TCF4: variants seen among roughly 807,000 people sequenced by gnomAD.
The protein encoded by TCF4 is transcription factor 4, also known as SL3-3 enhancer factor 2.
A neutral mutation model predicts 82.1 loss-of-function variants in TCF4; 3 were observed. The ratio of observed to expected loss-of-function variants is 0.04; its 90% CI spans 0.02 to 0.09. The LOEUF (loss-of-function observed/expected upper bound fraction) is 0.09. Ranked by LOEUF, TCF4 falls within the 10% of genes least tolerant of loss-of-function variation. The pLI, the probability that TCF4 is intolerant of heterozygous loss-of-function variation, is 1.00. For missense variants in TCF4, 518 were observed against 852.7 expected, an observed-to-expected ratio of 0.61 and a Z score of 4.89; for synonymous variants, 276 against 309.6, an observed-to-expected ratio of 0.89 and a Z score of 1.14.
chr18:55,293,224 T>C (rs1286112274), intron 8 of TCF4, among the ~76,000 whole-genome samples: 1 of 152,190 alleles, frequency 6.6e-6, no homozygotes, highest in Non-Finnish European at 1.5e-5. Flanking sequence ...GGCCCATCTG[T>C]AGGCAGATGG....
At chr18:55,348,618 G>T (rs2081684321) in intron 8 of TCF4, among the ~76,000 whole-genome samples, 1 of 152,164 alleles carries the variant, frequency 6.6e-6, no homozygotes. Context: ...AAAGGGGCCA[G>T]TTAGCTATAG....
intron 15 of TCF4, among the ~76,000 whole-genome samples, chr18:55,238,792 C>A (rs1481149471): frequency 2.0e-5 from 3 of 152,182 alleles, no homozygotes; most frequent in Non-Finnish European, 4.4e-5. Flanking sequence ...TTGGTGCATT[C>A]TTTCTGGTTC....
intron 15 of TCF4, among the ~76,000 whole-genome samples, chr18:55,247,897 G>C (rs1247275987): frequency 6.6e-6 from 1 of 152,192 alleles, no homozygotes; most frequent in Non-Finnish European, 1.5e-5. Context: ...ATTTGGGCTG[G>C]ACCTAGGAAG....
At chr18:55,547,684 G>A (rs1399589393) in intron 3 of TCF4, among the ~76,000 whole-genome samples, 1 of 152,176 alleles carries the variant, frequency 6.6e-6, no homozygotes, top group Non-Finnish European at 1.5e-5. Flanking sequence ...TTGATGAATT[G>A]TTTGAAACGT....
At chr18:55,229,284 A>G (rs1268568993) in intron 17 of TCF4, 5 of 609,908 alleles carry the variant, frequency 8.2e-6, no homozygotes, top group Admixed American at 2.4e-5. Flanking sequence ...TCTCGCAGAC[A>G]TTAAACCCAA....
chr18:55,506,651 C>T (rs1032494793), intron 3 of TCF4, among the ~76,000 whole-genome samples: 2 of 152,098 alleles, frequency 1.3e-5, no homozygotes, highest in Non-Finnish European at 2.9e-5. Flanking sequence ...AGTACTCACT[C>T]TAAGAGAGGG....
intron 3 of TCF4, among the ~76,000 whole-genome samples, chr18:55,505,522 G>A (rs556637742): frequency 6.4e-4 from 98 of 152,076 alleles, no homozygotes; most frequent in South Asian, 1.2e-3. Context: ...AATAGCAACC[G>A]GGCCGGGCGC....
At chr18:55,323,080 T>G (rs938863730) in intron 8 of TCF4, among the ~76,000 whole-genome samples, 2 of 152,172 alleles carry the variant, frequency 1.3e-5, no homozygotes, top group Non-Finnish European at 2.9e-5. Flanking sequence ...ATATATTTAT[T>G]TATTGTCTTT....
chr18:55,251,984 G>A (rs983026399), intron 15 of TCF4, among the ~76,000 whole-genome samples: 4 of 133,742 alleles, frequency 3.0e-5, no homozygotes, highest in African/African-American at 1.1e-4. Context: ...ATTGTGGAAT[G>A]TATCAAATGG....
chr18:55,327,852 T>C (rs538439862), intron 8 of TCF4, among the ~76,000 whole-genome samples: 5 of 152,248 alleles, frequency 3.3e-5, no homozygotes, highest in Non-Finnish European at 7.4e-5. Context: ...GCATGCAAAA[T>C]AGATGCAAAA....
chr18:55,627,741 G>A (rs935983992), intron 2 of TCF4, among the ~76,000 whole-genome samples: 22 of 148,448 alleles, frequency 1.5e-4, no homozygotes, highest in African/African-American at 5.5e-4. Flanking sequence ...TTCCAGCCTG[G>A]GTGACAGAGT....
chr18:55,572,530 C>G (rs1446464339), intron 3 of TCF4, among the ~76,000 whole-genome samples: 1 of 152,018 alleles, frequency 6.6e-6, no homozygotes, highest in Admixed American at 6.6e-5. Context: ...CAGGAGTTAC[C>G]AGGTAATTTC....
At chr18:55,234,310 A>C (rs2048740156) in intron 16 of TCF4, 1 of 617,776 alleles carries the variant, frequency 1.6e-6, no homozygotes, top group Non-Finnish European at 2.8e-6. Flanking sequence ...CTGTGGCCTC[A>C]TTCCCTGCTG....
intron 8 of TCF4, among the ~76,000 whole-genome samples, chr18:55,311,104 G>T: frequency 6.6e-6 from 1 of 151,452 alleles, no homozygotes; most frequent in Non-Finnish European, 1.5e-5. Flanking sequence ...GCTATAGTGT[G>T]CTATGCCAAA....
intron 3 of TCF4, among the ~76,000 whole-genome samples, chr18:55,583,458 C>G (rs2097598224): frequency 6.6e-6 from 1 of 152,078 alleles, no homozygotes; most frequent in African/African-American, 2.4e-5. Context: ...AGCCTGTACT[C>G]TCTATAAACA....
intron 1 of TCF4, among the ~76,000 whole-genome samples, chr18:55,631,545 G>A (rs957887590): frequency 6.6e-6 from 1 of 152,132 alleles, no homozygotes; most frequent in Non-Finnish European, 1.5e-5. Context: ...CTTGACAAAT[G>A]ACTAAGCTGG....
chr18:55,463,971 TGTGTGTGAGA>T (rs879142533), intron 4 of TCF4, 95 bp downstream of exon 4: 4,958 of 769,424 alleles, frequency 6.4e-3, no homozygotes, highest in Middle Eastern at 0.012. Flanking sequence ...TGTGTGTGTG[TGTGTGTGAGA>T]GAGAGAGAGA....
intron 5 of TCF4, among the ~76,000 whole-genome samples, chr18:55,426,099 T>TTATATATATATATATATATATATATA (rs35262105): frequency 4.3e-4 from 60 of 138,956 alleles, no homozygotes; most frequent in African/African-American, 1.6e-3. Flanking sequence ...ACAAAAAATT[T>TTATATATATATATATATATATATATA]TATATATATA....
chr18:55,498,685 C>A (rs1426112816), intron 3 of TCF4, among the ~76,000 whole-genome samples: 1 of 152,118 alleles, frequency 6.6e-6, no homozygotes, highest in African/African-American at 2.4e-5. Flanking sequence ...GGACCTGGCA[C>A]CTGAACCTCA....
Sources: gnomAD v4.1 joint callset for allele counts (sites outside exome capture counted in the v4.1 genomes callset) on GRCh38, gnomAD v4.1.1 for gene constraint, MANE v1.5 for transcripts, NCBI Gene and HGNC (gene_info 2026-07-23, HGNC 2026-07-21) for gene names.